PPP2R5C: variants seen among roughly 807,000 people sequenced by gnomAD.
The protein encoded by PPP2R5C is protein phosphatase 2 regulatory subunit B'gamma.
Under a neutral mutation model 68.9 loss-of-function variants are expected in PPP2R5C, and 7 were observed. The observed-to-expected ratio is 0.10, with a 90% CI of 0.06 to 0.19. PPP2R5C has a LOEUF of 0.19. PPP2R5C is among the 10% of genes least tolerant of loss of function. The pLI, the probability that PPP2R5C is intolerant of heterozygous loss-of-function variation, is 1.00. For missense variants in PPP2R5C, 348 were observed against 641.3 expected (o/e 0.54, Z 4.94); for synonymous variants, 210 against 222.2 (o/e 0.95, Z 0.49).
chr14:101,865,981 A>G (rs944380910), intron 2 of PPP2R5C, among the ~76,000 whole-genome samples: 29 of 152,172 alleles, frequency 1.9e-4, no homozygotes, highest in African/African-American at 7.0e-4. Context: ...GCTCACTGCA[A>G]CCTCCCAGGT....
At chr14:101,871,700 G>A (rs1228970626) in intron 2 of PPP2R5C, among the ~76,000 whole-genome samples, 1 of 151,638 alleles carries the variant, frequency 6.6e-6, no homozygotes, top group Non-Finnish European at 1.5e-5. Context: ...TTCTTTGTCT[G>A]CATTCTTTTG....
rs571594853 is a variant in PPP2R5C, at chr14:101,802,951, T to TAAA, written c.259+16789_259+16791dup. Among the ~76,000 whole-genome samples the TAAA allele has an allele frequency of 7.6e-3, 760 of 99,868 alleles. 16 individuals are homozygous for TAAA. The highest frequency in any genetic ancestry group is 0.026 in the Middle Eastern group (4 of 152). 65.5% of individuals were successfully genotyped at this position (99,868 alleles called of 152,430 possible). ...CACACCCACTAGGATGGCTACTATT[T>TAAA]AAAAAAAAAAAAAAAAAAAAAAAGG... On this transcript the variant is annotated intron_variant, in intron 3 of 14. Transcript: ENST00000328724.
exon 14 of PPP2R5C, chr14:101,926,554 G>A (rs2047294631): frequency 6.6e-6 from 1 of 152,568 alleles, no homozygotes; most frequent in South Asian, 2.1e-4. Flanking sequence ...CCAGTATTTT[G>A]ACTTATTTAT....
intron 9 of PPP2R5C, among the ~76,000 whole-genome samples, chr14:101,903,084 G>A (rs1245281581): frequency 6.8e-6 from 1 of 146,480 alleles, no homozygotes; most frequent in Non-Finnish European, 1.5e-5. Flanking sequence ...CTTTCAGTGT[G>A]AGCACTTTGC....
At chr14:101,848,361 T>C (rs957081691) in intron 1 of PPP2R5C, among the ~76,000 whole-genome samples, 3 of 151,814 alleles carry the variant, frequency 2.0e-5, no homozygotes, top group African/African-American at 7.3e-5. Flanking sequence ...TGAAACCCCA[T>C]CTCTACTAAA....
At chr14:101,871,214 T>TTTTG (rs1387992292) in intron 2 of PPP2R5C, among the ~76,000 whole-genome samples, 23 of 125,092 alleles carry the variant, frequency 1.8e-4, no homozygotes, top group Non-Finnish European at 2.8e-4. Flanking sequence ...TCTTGGTTTT[T>TTTTG]TTTTGTTTTG....
upstream of PPP2R5C, among the ~76,000 whole-genome samples, chr14:101,761,154 C>T (rs534256922): frequency 6.6e-6 from 1 of 152,156 alleles, no homozygotes; most frequent in African/African-American, 2.4e-5. Flanking sequence ...GTTCCCGGGC[C>T]TCCCCGTGCG....
chr14:101,765,734 ATT>A (rs544989366), intron 2 of PPP2R5C: 2,765 of 114,938 alleles, frequency 0.024, 49 homozygotes, highest in African/African-American at 0.084. Context: ...TGCCCAGCTA[ATT>A]TTTTTTTTTT....
intron 8 of PPP2R5C, among the ~76,000 whole-genome samples, chr14:101,895,515 T>C (rs2045260200): frequency 6.6e-6 from 1 of 152,128 alleles, no homozygotes; most frequent in African/African-American, 2.4e-5. Flanking sequence ...GTAATCTACT[T>C]TATCTCTGAA....
At chr14:101,812,654 G>C (rs1198941587) in intron 1 of PPP2R5C, among the ~76,000 whole-genome samples, 1 of 152,122 alleles carries the variant, frequency 6.6e-6, no homozygotes, top group East Asian at 1.9e-4. Flanking sequence ...CCATTTATTT[G>C]GCTCGGTAGC....
chr14:101,888,370 C>T lies in PPP2R5C; in HGVS notation c.630-1867C>T, dbSNP rs72715679. 6.4e-3 allele frequency among the ~76,000 whole-genome samples: 979 copies of T among 152,178 alleles called. 2 individuals carry two copies. The highest frequency in any genetic ancestry group is 0.011 in the Non-Finnish European group (752 of 68,010). On this transcript the variant is annotated intron_variant, in intron 5 of 13. Coordinates refer to ENST00000334743, the Ensembl canonical transcript of PPP2R5C. This position sits in a 1 kb window ranked among gnomAD's most constrained non-coding sequence, Gnocchi z 5.6. Reference sequence around the variant, plus strand: ...CAGCTTCCAAGCCTCAGGGTAGGTGCAGGCTGAGGGACACCAGGTGCGAGC... The same window carrying T: ...CAGCTTCCAAGCCTCAGGGTAGGTGTAGGCTGAGGGACACCAGGTGCGAGC...
upstream of PPP2R5C, among the ~76,000 whole-genome samples, chr14:101,807,172 T>TAA (rs140967072): frequency 0.2 from 29,777 of 152,120 alleles, 3,812 homozygotes; most frequent in African/African-American, 0.36. Flanking sequence ...GGTATGATGT[T>TAA]AAGACTTAAA....
At chr14:101,902,002 C>G (rs988692783) in intron 9 of PPP2R5C, 113 bp downstream of exon 11, 14 of 1,234,632 alleles carry the variant, frequency 1.1e-5, no homozygotes, top group Non-Finnish European at 3.4e-6. Context: ...AAGGTAAAAT[C>G]CAAGTTTTTA....
chr14:101,808,603 T>G (rs2039174815), upstream of PPP2R5C, among the ~76,000 whole-genome samples: 1 of 152,236 alleles, frequency 6.6e-6, no homozygotes, highest in Non-Finnish European at 1.5e-5. Flanking sequence ...CGCTAAACCC[T>G]CAGCTGGAAC....
At chr14:101,856,479 C>T (rs972254460) in intron 1 of PPP2R5C, among the ~76,000 whole-genome samples, 9 of 152,194 alleles carry the variant, frequency 5.9e-5, no homozygotes, top group Non-Finnish European at 1.2e-4. Context: ...ATAAAAACTT[C>T]CTCATACCAA....
rs937123592 is a variant in PPP2R5C at position 101,891,597 on chromosome 14, G to A, written c.689+1301G>A. Among the ~76,000 whole-genome samples, 5 of 152,124 alleles carry A rather than the reference G, an allele frequency of 3.3e-5. No homozygotes were observed. Among genetic ancestry groups the A allele is most frequent in the Non-Finnish European group, 5.9e-5 (4 of 68,004 alleles). On this transcript the variant is annotated intron_variant, in intron 6 of 13. Transcript: ENST00000334743. This position sits in a 1 kb window ranked among gnomAD's most constrained non-coding sequence, Gnocchi z 4.9. Reference sequence around the variant, plus strand: ...TTCCACAGCCCGCCATGCCGTGTGCGTAGGGCCCCCGTGTGCATAGGGCCG... The same window carrying A: ...TTCCACAGCCCGCCATGCCGTGTGCATAGGGCCCCCGTGTGCATAGGGCCG...
chr14:101,867,386 G>A (rs1282596227), intron 2 of PPP2R5C, among the ~76,000 whole-genome samples: 1 of 151,938 alleles, frequency 6.6e-6, no homozygotes, highest in Non-Finnish European at 1.5e-5. Context: ...TCCTACCTGG[G>A]CAACAGAGCA....
intron 2 of PPP2R5C, among the ~76,000 whole-genome samples, chr14:101,858,516 T>G (rs946182427): frequency 3.0e-5 from 4 of 133,884 alleles, no homozygotes; most frequent in South Asian, 2.6e-4. Context: ...TTGTTTTTTG[T>G]TTTTTTTTAT....
intron 8 of PPP2R5C, among the ~76,000 whole-genome samples, chr14:101,895,065 G>A (rs559243019): frequency 2.0e-4 from 30 of 152,184 alleles, no homozygotes; most frequent in African/African-American, 6.5e-4. Flanking sequence ...GCGTGGATCT[G>A]TAATTTTTTT....
Sources: gnomAD v4.1 joint callset for allele counts (sites outside exome capture counted in the v4.1 genomes callset) on GRCh38, gnomAD v4.1.1 for gene constraint, Gnocchi (gnomAD v3.1) non-coding constraint, MANE v1.5 for transcripts, NCBI Gene and HGNC (gene_info 2026-07-23, HGNC 2026-07-21) for gene names.